Variants in BAIAP2L2 observed in about 807,000 individuals in gnomAD.
BAIAP2L2 encodes BAR/IMD domain-containing adapter protein 2-like 2.
BAIAP2L2 carries 65 observed loss-of-function variants against 60.4 expected under a neutral mutation model. The observed-to-expected ratio is 1.08, with a 90% CI of 0.88 to 1.32. The LOEUF (loss-of-function observed/expected upper bound fraction) is 1.32, where lower values mean the gene tolerates loss of function less well. Ranked by LOEUF, BAIAP2L2 falls within the 40% of genes most tolerant of loss-of-function variation. The pLI is 0.00. For synonymous variants in BAIAP2L2, 344 were observed against 301.7 expected (o/e 1.14, Z -1.45); for missense variants, 836 against 741.2 (o/e 1.13, Z -1.48).
chr22:38,103,283 A>T (rs1037362553), intron 4 of BAIAP2L2, among the ~76,000 whole-genome samples: 7 of 152,204 alleles, frequency 4.6e-5, no homozygotes, highest in Admixed American at 4.6e-4. Flanking sequence ...AGACAGAGCG[A>T]GAGAATATGT....
chr22:38,109,281 G>C, intron 1 of BAIAP2L2, 73 bp from the exon 2 acceptor site: 2 of 1,234,934 alleles, frequency 1.6e-6, no homozygotes, highest in Non-Finnish European at 2.3e-6. Flanking sequence ...ATGGAGTCAA[G>C]TCACCAGGCG....
At position 38,109,136 on chromosome 22, in the gene BAIAP2L2, G is replaced by A. The variant is rs750340593; in HGVS notation, c.124C>T (p.His42Tyr). 9 of 1,611,876 alleles carry A rather than the reference G, an allele frequency of 5.6e-6. No individual in the cohort carries two copies. Among genetic ancestry groups the A allele is most frequent in the African/African-American group, 2.7e-5 (2 of 74,784 alleles). The change falls in exon 2 of 14, where the codon CAC (histidine) becomes TAC (tyrosine). Residue 42 changes from histidine to tyrosine, a missense_variant. His to Tyr is a moderately conservative substitution (Grantham distance 83). Transcript: ENST00000381669. ...YLGNNYLRAF[H>Y]ALSEAAEVYF... ...GGTGGCCCGGGCAGGCACTCACCGT[G>A]GAAGGCACGCAGGTAGTTGTTGCCC...
intron 4 of BAIAP2L2, among the ~76,000 whole-genome samples, chr22:38,100,632 C>A (rs1316872395): frequency 6.6e-6 from 1 of 152,218 alleles, no homozygotes; most frequent in Non-Finnish European, 1.5e-5. Flanking sequence ...GCACCTGTTA[C>A]CCCTTCACCT....
intron 7 of BAIAP2L2, among the ~76,000 whole-genome samples, chr22:38,092,458 G>A (rs576202777): frequency 1.2e-4 from 19 of 152,146 alleles, no homozygotes; most frequent in African/African-American, 4.6e-4. Flanking sequence ...TGTATTTTTA[G>A]TAGAGACGGG....
intron 7 of BAIAP2L2, among the ~76,000 whole-genome samples, chr22:38,093,302 A>C (rs577981656): frequency 3.5e-4 from 54 of 152,350 alleles, no homozygotes; most frequent in African/African-American, 1.3e-3. Context: ...CGGGCAATGC[A>C]CTTCTTGTAC....
chr22:38,109,795 A>G (rs73886266), intron 1 of BAIAP2L2, among the ~76,000 whole-genome samples: 5,909 of 152,036 alleles, frequency 0.039, 374 homozygotes, highest in African/African-American at 0.14. Context: ...GTCTCGGTTC[A>G]AATCCCAGCA....
rs1202491630 is a variant in BAIAP2L2, at chr22:38,110,120, GGAGAGAGAGAGA to G, written c.51+343_51+354del. Among the ~76,000 whole-genome samples the G allele has an allele frequency of 2.1e-4, 4 of 18,884 alleles. No individual in the cohort carries two copies. In the East Asian group the frequency reaches 3.9e-3, roughly 19 times the overall value. 12.4% of individuals were successfully genotyped at this position (18,884 alleles called of 152,430 possible). ...GAGACAGAGAGAGGGAGAGAGAGAGGGAGAGAGAGAGAGAGAGAGAGAGAGAGAGGGAGAGAC... is the reference window on the plus strand; with the variant it reads ...GAGACAGAGAGAGGGAGAGAGAGAGGGAGAGAGAGAGAGAGAGGGAGAGAC... On this transcript the variant is annotated intron_variant, in intron 1 of 13. Transcript: ENST00000381669.
intron 8 of BAIAP2L2, 41 bp downstream of exon 8, chr22:38,089,481 G>C: frequency 8.8e-7 from 1 of 1,141,604 alleles, no homozygotes; most frequent in East Asian, 3.7e-5. Context: ...CGCGGGGGGC[G>C]GCGGGGGCGC....
In BAIAP2L2 at chr22:38,098,274, T is replaced by C. The variant is rs370486366; in HGVS notation, c.349-95A>G. 52 of 1,490,716 alleles carry C rather than the reference T, an allele frequency of 3.5e-5. No individual in the cohort carries two copies. The African/African-American group carries it at 5.3e-4, about 15-fold the overall frequency. 92.3% of individuals were successfully genotyped at this position (1,490,716 alleles called of 1,614,324 possible). The stretch of plus-strand genomic sequence containing the variant: ...ATCAGGGCCCTGGAAGTTTGGAGAC[T>C]TGGGGCTCAGCTGGGAACATGGATA... On this transcript the variant is annotated intron_variant, in intron 5 of 13. Coordinates refer to ENST00000381669, the MANE Select transcript of BAIAP2L2 (RefSeq NM_025045.6).
intron 1 of BAIAP2L2, among the ~76,000 whole-genome samples, chr22:38,110,150 G>GAGA (rs2086807545): frequency 6.6e-5 from 2 of 30,480 alleles, no homozygotes; most frequent in Admixed American, 2.8e-4. Flanking sequence ...AGAGAGAGAG[G>GAGA]GAGAGACAGA....
chr22:38,099,488 C>A (rs563849452), intron 4 of BAIAP2L2, among the ~76,000 whole-genome samples: 1 of 151,970 alleles, frequency 6.6e-6, no homozygotes, highest in East Asian at 1.9e-4. Flanking sequence ...GAGCGGAGAT[C>A]ACGCCACTGC....
intron 4 of BAIAP2L2, among the ~76,000 whole-genome samples, chr22:38,104,834 G>T (rs930070055): frequency 3.3e-5 from 5 of 151,638 alleles, no homozygotes; most frequent in African/African-American, 1.2e-4. Context: ...CCAAATTCTA[G>T]TGTCTCAGGC....
chr22:38,103,998 C>A (rs1357224338), intron 4 of BAIAP2L2, among the ~76,000 whole-genome samples: 1 of 151,962 alleles, frequency 6.6e-6, no homozygotes, highest in South Asian at 2.1e-4. Context: ...AATAAAAGTA[C>A]TACATAATGG....
At chr22:38,092,363 G>C (rs1399934217) in intron 7 of BAIAP2L2, among the ~76,000 whole-genome samples, 1 of 152,124 alleles carries the variant, frequency 6.6e-6, no homozygotes, top group Admixed American at 6.5e-5. Context: ...TGCAACCTCT[G>C]CCTCCCGGGT....
At chr22:38,109,954 C>T (rs1421592129) in intron 1 of BAIAP2L2, among the ~76,000 whole-genome samples, 2 of 148,426 alleles carry the variant, frequency 1.3e-5, no homozygotes, top group African/African-American at 2.5e-5. Flanking sequence ...ACAGGAGGCG[C>T]TCAATAAATG....
Position 38,098,061 on chromosome 22 carries a change from A to G in BAIAP2L2, c.465+2T>C. Reference sequence around the variant, plus strand: ...CCCACCCCCGCTTCCCGGCCCTCGCACCTTCATCTCCCGCACGTTCTTGTC... The same window carrying G: ...CCCACCCCCGCTTCCCGGCCCTCGCGCCTTCATCTCCCGCACGTTCTTGTC... On this transcript the variant is annotated splice_donor_variant, in intron 6 of 13. Transcript: ENST00000381669. LOFTEE classifies it high-confidence loss of function. 1 of 1,272,338 alleles carries G rather than the reference A, an allele frequency of 7.9e-7. No individual in the cohort carries two copies. The highest frequency in any genetic ancestry group is 1.1e-6 in the Non-Finnish European group (1 of 947,292). The allele number at this position is 1,272,338 out of a possible 1,614,324, so 78.8% of individuals were successfully genotyped here.
intron 2 of BAIAP2L2, 137 bp from the exon 3 acceptor site, chr22:38,108,478 C>T (rs2086715478): frequency 1.5e-6 from 1 of 656,880 alleles, no homozygotes; most frequent in African/African-American, 1.8e-5. Flanking sequence ...GAGGGTGTGA[C>T]CAGTTGAGCT....
chr22:38,085,384 G>GGA lies in BAIAP2L2; in HGVS notation c.1515-11_1515-10dup, dbSNP rs577788143. On this transcript the variant is annotated splice_polypyrimidine_tract_variant and intron_variant, in intron 13 of 13. Coordinates refer to ENST00000381669, the MANE Select transcript of BAIAP2L2 (RefSeq NM_025045.6). ...CAAAAGGATTTGTGCCCCTGTAGGA[G>GGA]GAGAGAGAGAATGGGGTGAGAAGGG... is the stretch of plus-strand genomic sequence containing the variant. 13 of 1,612,826 alleles carry GGA rather than the reference G, an allele frequency of 8.1e-6. No individual in the cohort carries two copies. Among genetic ancestry groups the GGA allele is most frequent in the Non-Finnish European group, 1.1e-5 (13 of 1,179,168 alleles).
intron 7 of BAIAP2L2, among the ~76,000 whole-genome samples, chr22:38,095,027 C>T (rs2086397490): frequency 6.6e-6 from 1 of 152,100 alleles, no homozygotes; most frequent in Non-Finnish European, 1.5e-5. Flanking sequence ...TGGCGCACAC[C>T]TGTAATCCCA....
Sources: allele counts gnomAD v4.1 joint callset (sites outside exome capture counted in the v4.1 genomes callset), GRCh38; gene constraint gnomAD v4.1.1; transcripts MANE v1.5; gene names NCBI Gene and HGNC (gene_info 2026-07-23, HGNC 2026-07-21).